TECRL: variants seen among roughly 807,000 people sequenced by gnomAD.
TECRL encodes trans-2,3-enoyl-CoA reductase-like.
Under a neutral mutation model 52.8 loss-of-function variants are expected in TECRL, and 63 were observed. That is an observed-to-expected ratio of 1.19 (90% CI 0.97 to 1.47). TECRL has a LOEUF of 1.47. Ranked by LOEUF, TECRL falls within the 40% of genes most tolerant of loss-of-function variation. TECRL has a pLI of 0.00. For missense variants in TECRL, 482 were observed against 429.6 expected (o/e 1.12, Z -1.08); for synonymous variants, 164 against 141.9 (o/e 1.16, Z -1.10).
In TECRL at chr4:64,279,377, C is replaced by T. The variant is rs1039059108; in HGVS notation, c.*695G>A. 1 of 152,126 alleles carries T rather than the reference C, an allele frequency of 6.6e-6. No individual in the cohort carries two copies. The highest frequency in any genetic ancestry group is 2.4e-5 in the African/African-American group (1 of 41,430). The allele number at this position is 152,126 out of a possible 1,614,324, so 9.4% of individuals were successfully genotyped here. A position where few individuals can be genotyped will look rare whatever the true frequency, so the allele number is the denominator to read the frequency against. ...GAGCAACCTCGAGTAGCTGGGACTACCTACTGGCATGTGCCACCACGCCCA... is the reference window on the plus strand; with the variant it reads ...GAGCAACCTCGAGTAGCTGGGACTATCTACTGGCATGTGCCACCACGCCCA... On this transcript the variant is annotated 3_prime_UTR_variant, in exon 12 of 12. Transcript: ENST00000381210.
chr4:64,289,640 G>T (rs1233824407), intron 9 of TECRL, 70 bp downstream of exon 9: 18 of 1,173,254 alleles, frequency 1.5e-5, no homozygotes, highest in Non-Finnish European at 2.1e-5. Context: ...AAGATTTTTT[G>T]AAGTAAGATT....
At chr4:64,291,337 C>T (rs1250713498) in intron 8 of TECRL, among the ~76,000 whole-genome samples, 1 of 151,978 alleles carries the variant, frequency 6.6e-6, no homozygotes, top group Non-Finnish European at 1.5e-5. Context: ...TCTAACAAAT[C>T]GTTAGCACTA....
intron 2 of TECRL, among the ~76,000 whole-genome samples, chr4:64,363,536 C>T (rs1028150814): frequency 2.6e-5 from 4 of 152,082 alleles, no homozygotes; most frequent in African/African-American, 9.7e-5. Flanking sequence ...TTTCCATTGG[C>T]TGGAACAGGA....
At chr4:64,348,809 G>A (rs1232382158) in intron 2 of TECRL, among the ~76,000 whole-genome samples, 1 of 152,114 alleles carries the variant, frequency 6.6e-6, no homozygotes, top group African/African-American at 2.4e-5. Flanking sequence ...GGTTCCCGGT[G>A]AGATTGACCA....
At chr4:64,324,884 C>T (rs1718145642) in intron 3 of TECRL, among the ~76,000 whole-genome samples, 1 of 152,100 alleles carries the variant, frequency 6.6e-6, no homozygotes, top group South Asian at 2.1e-4. Flanking sequence ...AGATAATCCT[C>T]AGGATTTCTG....
intron 8 of TECRL, among the ~76,000 whole-genome samples, chr4:64,293,362 T>C (rs922002757): frequency 3.9e-5 from 6 of 152,128 alleles, no homozygotes; most frequent in African/African-American, 1.4e-4. Context: ...ATCAAATTAA[T>C]AACCTACAAA....
rs375999293 is a variant in TECRL, at chr4:64,305,188, A to C, written c.708T>G (p.Asn236Lys). 19 of 1,612,694 alleles carry C rather than the reference A, an allele frequency of 1.2e-5. No individual in the cohort carries two copies. The highest frequency in any genetic ancestry group is 3.4e-6 in the Non-Finnish European group (4 of 1,179,170). Residue 236 changes from asparagine (N) to lysine (K), a missense_variant, in exon 7 of 12, where the codon AAT becomes AAG. Coordinates refer to ENST00000381210, the MANE Select transcript of TECRL (RefSeq NM_001010874.5). Reference sequence around the variant, plus strand: ...TACATGGTGGTGTATATAGTGGATGATTAATGTAGTAGGCAATCCAAGAAG... The same window carrying C: ...TACATGGTGGTGTATATAGTGGATGCTTAATGTAGTAGGCAATCCAAGAAG... ...GFTSWIAYYI[N>K]HPLYTPPSFG...
At chr4:64,375,247 T>G (rs908077004) in intron 1 of TECRL, 24 bp from the exon 2 acceptor site, 2 of 1,264,240 alleles carry the variant, frequency 1.6e-6, no homozygotes, top group Non-Finnish European at 2.1e-6. Flanking sequence ...GAAAATAGAG[T>G]TATTTTTAAA....
intron 1 of TECRL, among the ~76,000 whole-genome samples, chr4:64,408,287 A>T (rs142397794): frequency 2.2e-4 from 34 of 152,042 alleles, no homozygotes; most frequent in African/African-American, 8.2e-4. Context: ...AGCAACAAAA[A>T]CGTATTCAAT....
chr4:64,301,279 A>G, intron 7 of TECRL, among the ~76,000 whole-genome samples: 1 of 151,238 alleles, frequency 6.6e-6, no homozygotes, highest in East Asian at 1.9e-4. Flanking sequence ...ACATTTTTAT[A>G]ATATTTGATA....
At chr4:64,345,408 G>T (rs1405653106) in intron 2 of TECRL, among the ~76,000 whole-genome samples, 1 of 151,858 alleles carries the variant, frequency 6.6e-6, no homozygotes, top group East Asian at 2.0e-4. Context: ...TAGGGACATG[G>T]ATGAAGCTGG....
intron 2 of TECRL, among the ~76,000 whole-genome samples, chr4:64,334,849 A>G (rs2110059545): frequency 6.6e-6 from 1 of 152,360 alleles, no homozygotes; most frequent in African/African-American, 2.4e-5. Context: ...CTATTTATTT[A>G]TGCTCACTGG....
intron 5 of TECRL, 62 bp from the exon 6 acceptor site, chr4:64,309,993 A>G: frequency 9.6e-7 from 1 of 1,041,878 alleles, no homozygotes; most frequent in Non-Finnish European, 1.4e-6. Flanking sequence ...TGCCTCATGC[A>G]TGATACATTT....
At chr4:64,387,887 A>G (rs1040618733) in intron 1 of TECRL, among the ~76,000 whole-genome samples, 1 of 151,826 alleles carries the variant, frequency 6.6e-6, no homozygotes, top group Non-Finnish European at 1.5e-5. Flanking sequence ...AGTTCTTTGT[A>G]TATTTTATAA....
At chr4:64,310,607 T>C (rs376027368) in intron 5 of TECRL, among the ~76,000 whole-genome samples, 4 of 152,340 alleles carry the variant, frequency 2.6e-5, no homozygotes, top group African/African-American at 9.6e-5. Flanking sequence ...GGATATACTA[T>C]AAACAATGTA....
intron 1 of TECRL, 93 bp downstream of exon 1, chr4:64,409,025 G>C (rs1724916350): frequency 1.8e-6 from 2 of 1,123,924 alleles, no homozygotes; most frequent in African/African-American, 3.2e-5. Flanking sequence ...TTTCAGAACA[G>C]TCGTGTTAGA....
intron 10 of TECRL, 88 bp from the exon 11 acceptor site, chr4:64,281,174 T>C: frequency 1.1e-6 from 1 of 922,988 alleles, no homozygotes; most frequent in Non-Finnish European, 1.6e-6. Flanking sequence ...TTTTAAGGCT[T>C]AAAATATTAG....
intron 2 of TECRL, among the ~76,000 whole-genome samples, chr4:64,337,822 A>T (rs1254212004): frequency 6.6e-6 from 1 of 152,212 alleles, no homozygotes; most frequent in Non-Finnish European, 1.5e-5. Context: ...GCTCATGGAT[A>T]GGAAGAATCA....
At chr4:64,359,383 A>G (rs1266926045) in intron 2 of TECRL, among the ~76,000 whole-genome samples, 1 of 152,004 alleles carries the variant, frequency 6.6e-6, no homozygotes, top group Non-Finnish European at 1.5e-5. Context: ...ATGCCATTAT[A>G]CTGTGGCATA....
Sources: allele counts gnomAD v4.1 joint callset (sites outside exome capture counted in the v4.1 genomes callset), GRCh38; gene constraint gnomAD v4.1.1; transcripts MANE v1.5; gene names NCBI Gene and HGNC (gene_info 2026-07-23, HGNC 2026-07-21).